ASIC2: variants seen among roughly 807,000 people sequenced by gnomAD.
ASIC2 encodes the protein acid sensing ion channel subunit 2, also known as acid-sensing ion channel 2.
In ASIC2, 25 loss-of-function variants were observed where a neutral mutation model predicts 57.3. The ratio of observed to expected loss-of-function variants is 0.44; its 90% confidence interval spans 0.32 to 0.61. The LOEUF is 0.61. ASIC2 is among the 20% of genes least tolerant of loss of function. The pLI is 0.06. For synonymous variants in ASIC2, 319 were observed against 307.5 expected (o/e 1.04, Z -0.39); for missense variants, 641 against 738.1 (o/e 0.87, Z 1.52).
intron 1 of ASIC2, among the ~76,000 whole-genome samples, chr17:33,150,755 C>A (rs61629101): frequency 1.2e-5 from 1 of 82,146 alleles, no homozygotes; most frequent in Non-Finnish European, 2.3e-5. Context: ...GAGGCTGAGG[C>A]GGGAGAATGG....
At chr17:33,675,523 C>A (rs78941825) in intron 1 of ASIC2, among the ~76,000 whole-genome samples, 7,420 of 152,098 alleles carry the variant, frequency 0.049, 469 homozygotes, top group African/African-American at 0.14. Context: ...GCTTCACGGC[C>A]TCCCACATTT....
chr17:33,899,809 C>T (rs929680143), intron 1 of ASIC2, among the ~76,000 whole-genome samples: 2 of 152,198 alleles, frequency 1.3e-5, no homozygotes, highest in African/African-American at 4.8e-5. Flanking sequence ...TTCTTCCTTA[C>T]CACCAGCACT....
chr17:34,104,091 GTA>G (rs577537466), intron 1 of ASIC2, among the ~76,000 whole-genome samples: 415 of 152,130 alleles, frequency 2.7e-3, no homozygotes, highest in Non-Finnish European at 4.9e-3. Context: ...CACAAATATA[GTA>G]TATCTCTTCA....
intron 1 of ASIC2, among the ~76,000 whole-genome samples, chr17:33,975,861 C>T (rs1905366960): frequency 6.6e-6 from 1 of 152,080 alleles, no homozygotes; most frequent in African/African-American, 2.4e-5. Flanking sequence ...GCTGTCTGGG[C>T]TTCTCAGCCT....
chr17:33,142,580 C>T (rs114186266), intron 1 of ASIC2, among the ~76,000 whole-genome samples: 3,527 of 152,228 alleles, frequency 0.023, 144 homozygotes, highest in African/African-American at 0.081. Flanking sequence ...AGACAGAGCA[C>T]AGAAAGCACA....
chr17:34,134,213 G>A (rs1912068971), intron 1 of ASIC2, among the ~76,000 whole-genome samples: 2 of 152,302 alleles, frequency 1.3e-5, no homozygotes, highest in South Asian at 2.1e-4. Context: ...TGGCATCAGA[G>A]GTTTGGGGGT....
intron 1 of ASIC2, among the ~76,000 whole-genome samples, chr17:33,882,770 A>T (rs1914735571): frequency 6.6e-6 from 1 of 152,222 alleles, no homozygotes; most frequent in Non-Finnish European, 1.5e-5. Flanking sequence ...TATATACCCA[A>T]AGGATTATAA....
rs1916062976 is a variant in ASIC2 at position 33,561,184 on chromosome 17, C to G, written c.556-449117G>C. ...GGTAAGAATTCTTTCCACTTCCCCACTCATGAAGGCCAACACTAGAATTTA... is the reference window on the plus strand; with the variant it reads ...GGTAAGAATTCTTTCCACTTCCCCAGTCATGAAGGCCAACACTAGAATTTA... On this transcript the variant is annotated intron_variant, in intron 1 of 9. Transcript: ENST00000359872. Among the ~76,000 whole-genome samples, 3 of 152,182 alleles carry G rather than the reference C, an allele frequency of 2.0e-5. No homozygotes were observed. The South Asian group carries it at 6.2e-4, about 32-fold the overall frequency.
At chr17:33,715,232 C>T (rs1358711571) in intron 1 of ASIC2, among the ~76,000 whole-genome samples, 1 of 152,082 alleles carries the variant, frequency 6.6e-6, no homozygotes, top group East Asian at 1.9e-4. Context: ...CAACTTCTGG[C>T]CTCAAGCGAT....
At chr17:33,988,768 C>T (rs141503960) in intron 1 of ASIC2, among the ~76,000 whole-genome samples, 3 of 152,102 alleles carry the variant, frequency 2.0e-5, no homozygotes, top group African/African-American at 7.2e-5. Flanking sequence ...TGCCATTGCT[C>T]CCAGAGAGCT....
intron 1 of ASIC2, among the ~76,000 whole-genome samples, chr17:33,847,934 G>T (rs145953831): frequency 6.6e-6 from 1 of 152,200 alleles, no homozygotes; most frequent in East Asian, 1.9e-4. Flanking sequence ...AATATATGGG[G>T]AGGAAGAGGA....
At chr17:33,061,215 A>G (rs2092019273) in intron 3 of ASIC2, among the ~76,000 whole-genome samples, 1 of 152,174 alleles carries the variant, frequency 6.6e-6, no homozygotes, top group Non-Finnish European at 1.5e-5. Context: ...AGGAGTGGTG[A>G]GAGAGGGCAC....
intron 1 of ASIC2, among the ~76,000 whole-genome samples, chr17:33,288,715 GACACAC>G (rs56013728): frequency 0.035 from 5,021 of 143,564 alleles, 160 homozygotes; most frequent in African/African-American, 0.09. Flanking sequence ...AGCTCTCTCT[GACACAC>G]ACACACACAC....
intron 1 of ASIC2, among the ~76,000 whole-genome samples, chr17:33,275,227 G>A (rs1289389543): frequency 3.3e-5 from 5 of 152,026 alleles, no homozygotes; most frequent in African/African-American, 9.7e-5. Context: ...CCTGATCCCC[G>A]CCTCCCACAC....
intron 3 of ASIC2, among the ~76,000 whole-genome samples, chr17:33,042,995 C>T (rs190439179): frequency 1.3e-5 from 2 of 151,838 alleles, no homozygotes; most frequent in Admixed American, 1.3e-4. Flanking sequence ...GGTGCAATCT[C>T]GGCTCACCTC....
chr17:33,897,648 A>T (rs1327041877), intron 1 of ASIC2, among the ~76,000 whole-genome samples: 2 of 152,248 alleles, frequency 1.3e-5, no homozygotes, highest in Non-Finnish European at 2.9e-5. Flanking sequence ...TTCATTTCAA[A>T]ATAGTTAATA....
intron 1 of ASIC2, among the ~76,000 whole-genome samples, chr17:33,616,402 T>C (rs1426412847): frequency 1.3e-5 from 2 of 152,176 alleles, no homozygotes; most frequent in East Asian, 3.8e-4. Context: ...GAAGCCATAG[T>C]TTAATGTGGC....
chr17:33,872,830 C>T (rs948915747), intron 1 of ASIC2, among the ~76,000 whole-genome samples: 2 of 152,018 alleles, frequency 1.3e-5, no homozygotes, highest in Non-Finnish European at 2.9e-5. Flanking sequence ...TCCTGGGTGG[C>T]GGTAATGAGC....
intron 1 of ASIC2, among the ~76,000 whole-genome samples, chr17:33,141,126 G>A (rs144912874): frequency 2.2e-4 from 34 of 152,328 alleles, no homozygotes; most frequent in African/African-American, 7.5e-4. Context: ...CAGAGAGTGA[G>A]TCCTCTTATG....
Sources: gnomAD v4.1 joint callset for allele counts (sites outside exome capture counted in the v4.1 genomes callset) on GRCh38, gnomAD v4.1.1 for gene constraint, MANE v1.5 for transcripts, NCBI Gene and HGNC (gene_info 2026-07-23, HGNC 2026-07-21) for gene names.